The following AGAP1 variants were observed in gnomAD, a reference collection of about 807,000 sequenced individuals.
AGAP1 encodes the protein arf-GAP with GTPase, ANK repeat and PH domain-containing protein 1.
Under a neutral mutation model 105.3 loss-of-function variants are expected in AGAP1, and 29 were observed. That is an observed-to-expected ratio of 0.28 (90% CI 0.21 to 0.38). The LOEUF (loss-of-function observed/expected upper bound fraction) is 0.38, where lower values mean the gene tolerates loss of function less well. Among genes scored for constraint, AGAP1 ranks in the 10% least tolerant of loss-of-function variants. AGAP1 has a pLI of 1.00. For missense variants in AGAP1, 998 were observed against 1,165.1 expected, an observed-to-expected ratio of 0.86 and a Z score of 2.09; for synonymous variants, 509 against 485.9, an observed-to-expected ratio of 1.05 and a Z score of -0.63.
intron 16 of AGAP1, among the ~76,000 whole-genome samples, chr2:236,107,253 C>T (rs544255511): frequency 6.6e-6 from 1 of 152,302 alleles, no homozygotes; most frequent in Non-Finnish European, 1.5e-5. Context: ...CATGTCCTTG[C>T]CCAGAGAGGC....
intron 1 of AGAP1, chr2:235,670,377 G>A (rs1411249422): frequency 1.3e-5 from 7 of 548,942 alleles, no homozygotes; most frequent in South Asian, 4.1e-5. Context: ...TGGGATTTCC[G>A]CACCTTCCGC....
At chr2:235,920,627 A>G (rs2052137505) in intron 11 of AGAP1, among the ~76,000 whole-genome samples, 1 of 152,210 alleles carries the variant, frequency 6.6e-6, no homozygotes, top group Non-Finnish European at 1.5e-5. Flanking sequence ...GAGGGAATGA[A>G]TGAGCTCAAG....
rs1400303743 is a variant in AGAP1, at chr2:236,014,920, C to T, written c.1646-21641C>T. On this transcript the variant is annotated intron_variant, in intron 13 of 17. Transcript: ENST00000304032. The surrounding 1 kb of genome is among the most constrained non-coding windows in gnomAD (Gnocchi z 6.3). The stretch of plus-strand genomic sequence containing the variant: ...CTCCACCCGCCCACACCTCCACCTG[C>T]CTCTTCCCCTCTCATCCCCTGCCCG... 6 of 362,984 alleles carry T rather than the reference C, an allele frequency of 1.7e-5. No individual in the cohort carries two copies. In the Admixed American group the frequency reaches 2.0e-4, roughly 12 times the overall value. The allele number at this position is 362,984 out of a possible 1,614,324, so 22.5% of individuals were successfully genotyped here.
rs2059434407 is a variant in AGAP1, at chr2:236,104,433, C to CCTGCCCCTCGACCAGCACCTGTGCTGT, written c.2115-15749_2115-15723dup. Among the ~76,000 whole-genome samples, 1 of 152,256 alleles carries CCTGCCCCTCGACCAGCACCTGTGCTGT rather than the reference C, an allele frequency of 6.6e-6. No homozygotes were observed. The highest frequency in any genetic ancestry group is 1.5e-5 in the Non-Finnish European group (1 of 68,050). On this transcript the variant is annotated intron_variant, in intron 16 of 17. Transcript: ENST00000304032. The surrounding 1 kb of genome is among the most constrained non-coding windows in gnomAD (Gnocchi z 4.7). ...AAATGACTCCCCAACAGGGGTGGATCCTGCCCCTCGACCAGCACCTGTGCT... is the reference window on the plus strand; with the variant it reads ...AAATGACTCCCCAACAGGGGTGGATCCTGCCCCTCGACCAGCACCTGTGCTGTCTGCCCCTCGACCAGCACCTGTGCT...
intron 1 of AGAP1, among the ~76,000 whole-genome samples, chr2:235,519,956 TG>T (rs1028394263): frequency 6.6e-6 from 1 of 152,108 alleles, no homozygotes; most frequent in African/African-American, 2.4e-5. Flanking sequence ...CTAATTTTTT[TG>T]TATTTTTAAT....
chr2:236,061,974 G>A lies in AGAP1; in HGVS notation c.2114+12693G>A, dbSNP rs541443176. On this transcript the variant is annotated intron_variant, in intron 16 of 17. Transcript: ENST00000304032. This position sits in a 1 kb window ranked among gnomAD's most constrained non-coding sequence, Gnocchi z 4.1. ...AGCAAAGGTGCAGGCGTACAGGAAC[G>A]CATGCTGGGTGGCGGGGGCCTGGGT... 1.3e-5 allele frequency among the ~76,000 whole-genome samples: 2 copies of A among 152,282 alleles called. No individual in the cohort carries two copies. The highest frequency in any genetic ancestry group is 2.1e-4 in the South Asian group (1 of 4,820).
rs1172737406 is a variant in AGAP1, at chr2:235,572,976, TTTCTTCTTCTTCTTCTTCTTCTTCTTC to T, written c.163+78187_163+78213del. ...CAGACTCCCCGATTGCTCCATCTTT[TTTCTTCTTCTTCTTCTTCTTCTTCTTC>T]TTCTTCTTCTTCTTCTTCTTCTTCT... On this transcript the variant is annotated intron_variant, in intron 1 of 17. Transcript: ENST00000304032. Among the ~76,000 whole-genome samples, 98 of 104,052 alleles carry T rather than the reference TTTCTTCTTCTTCTTCTTCTTCTTCTTC, an allele frequency of 9.4e-4. 13 individuals carry two copies. Among genetic ancestry groups the T allele is most frequent in the Admixed American group, 1.7e-3 (18 of 10,654 alleles). The allele number at this position is 104,052 out of a possible 152,430, so 68.3% of individuals were successfully genotyped here.
intron 1 of AGAP1, among the ~76,000 whole-genome samples, chr2:235,619,805 C>G (rs1434079335): frequency 1.3e-5 from 2 of 152,214 alleles, no homozygotes; most frequent in Non-Finnish European, 1.5e-5. Flanking sequence ...TGTCTACCTC[C>G]TCTGATAGCA....
In AGAP1 at chr2:235,970,865, T is replaced by C. The variant is rs6431416; in HGVS notation, c.1645+2242T>C. Among the ~76,000 whole-genome samples, 152,072 of 152,278 alleles carry C rather than the reference T, an allele frequency of 1. 75,933 individuals carry two copies. Among genetic ancestry groups the C allele is most frequent in the Middle Eastern group, 1 (294 of 294 alleles). ...TGCTGAGTGAGTGGGATGGTATGTGTGTGCGAGGCAATAGTGGATACCCAG... is the reference window on the plus strand; with the variant it reads ...TGCTGAGTGAGTGGGATGGTATGTGCGTGCGAGGCAATAGTGGATACCCAG... On this transcript the variant is annotated intron_variant, in intron 13 of 17. Coordinates refer to ENST00000304032, the MANE Select transcript of AGAP1 (RefSeq NM_001037131.3). The surrounding 1 kb of genome is among the most constrained non-coding windows in gnomAD (Gnocchi z 5.4).
chr2:235,863,544 T>C (rs558841427), intron 9 of AGAP1, among the ~76,000 whole-genome samples: 16 of 152,212 alleles, frequency 1.1e-4, no homozygotes, highest in Admixed American at 4.6e-4. Flanking sequence ...ATGGTACAGG[T>C]ACAGCCTCCT....
In AGAP1 at chr2:235,835,889, AT is replaced by A. The variant is rs770867354; in HGVS notation, c.1050+28560del. Reference sequence around the variant, plus strand: ...AGAGGCTCCGGCTGTCACCGTGATTATTAATACATTGTAATGACATTTTGGG... The same window carrying A: ...AGAGGCTCCGGCTGTCACCGTGATTATAATACATTGTAATGACATTTTGGG... On this transcript the variant is annotated intron_variant, in intron 9 of 17. Coordinates refer to ENST00000304032, the MANE Select transcript of AGAP1 (RefSeq NM_001037131.3). 3.9e-5 allele frequency among the ~76,000 whole-genome samples: 6 copies of A among 152,394 alleles called. No homozygotes were observed. In the East Asian group the frequency reaches 1.2e-3, roughly 29 times the overall value.
chr2:236,008,649 G>C (rs2056405183), intron 13 of AGAP1, among the ~76,000 whole-genome samples: 1 of 152,186 alleles, frequency 6.6e-6, no homozygotes, highest in Non-Finnish European at 1.5e-5. Flanking sequence ...TGGTTTTATT[G>C]CATATCCTGG....
rs1404748956 is a variant in AGAP1 at position 235,609,812 on chromosome 2, T to A, written c.164-99367T>A. ...AAAGTGTAGTGGGAGGCTGTGGGCATATTTGGCGCTTGGCAGGATTGAAGG... is the reference window on the plus strand; with the variant it reads ...AAAGTGTAGTGGGAGGCTGTGGGCAAATTTGGCGCTTGGCAGGATTGAAGG... On this transcript the variant is annotated intron_variant, in intron 1 of 17. Transcript: ENST00000304032. The surrounding 1 kb of genome is among the most constrained non-coding windows in gnomAD (Gnocchi z 5.1). Among the ~76,000 whole-genome samples the A allele has an allele frequency of 1.3e-5, 2 of 152,184 alleles. No individual in the cohort carries two copies. The highest frequency in any genetic ancestry group is 2.4e-5 in the African/African-American group (1 of 41,540).
intron 6 of AGAP1, among the ~76,000 whole-genome samples, chr2:235,795,662 A>T (rs2150032623): frequency 6.6e-6 from 1 of 151,946 alleles, no homozygotes; most frequent in African/African-American, 2.4e-5. Context: ...TAGGACAAAT[A>T]TGAAAAAAAA....
intron 1 of AGAP1, among the ~76,000 whole-genome samples, chr2:235,643,525 C>G (rs1947273670): frequency 6.7e-6 from 1 of 148,782 alleles, no homozygotes; most frequent in Admixed American, 6.7e-5. Context: ...TGTCAAGGAG[C>G]AATGATCATC....
chr2:235,781,335 C>T (rs955796518), intron 6 of AGAP1, among the ~76,000 whole-genome samples: 1 of 152,186 alleles, frequency 6.6e-6, no homozygotes, highest in Non-Finnish European at 1.5e-5. Context: ...CCCTTGGATT[C>T]ATTCCCTGGA....
In AGAP1 at chr2:235,744,779, A is replaced by T; in HGVS notation, c.478A>T (p.Ser160Cys). Residue 160 changes from serine (S) to cysteine (C), a missense_variant, in exon 5 of 18, where the codon AGT becomes TGT. Physicochemically the swap from Ser to Cys is moderately radical, Grantham distance 112 (BLOSUM62 -1). This residue lies in a region of AGAP1 where 735 missense variants were observed against 833.4 expected (regional missense o/e 0.88). Coordinates refer to ENST00000304032, the MANE Select transcript of AGAP1 (RefSeq NM_001037131.3). This position sits in a 1 kb window ranked among gnomAD's most constrained non-coding sequence, Gnocchi z 5.2. The part of the protein sequence containing the change: ...ISFQTVYHYY[S>C]RMANYRNTSE... ...TTTCCAGACCGTTTACCACTACTACAGTCGAATGGCCAACTATCGGAACAC... is the reference window on the plus strand; with the variant it reads ...TTTCCAGACCGTTTACCACTACTACTGTCGAATGGCCAACTATCGGAACAC... The T allele has an allele frequency of 6.2e-7, 1 of 1,613,936 alleles. No individual in the cohort carries two copies. The highest frequency in any genetic ancestry group is 8.5e-7 in the Non-Finnish European group (1 of 1,180,004).
intron 1 of AGAP1, among the ~76,000 whole-genome samples, chr2:235,579,591 C>T: frequency 6.6e-6 from 1 of 151,972 alleles, no homozygotes; most frequent in East Asian, 1.9e-4. Context: ...CTGGCTAACA[C>T]AGTGAAACCC....
At chr2:235,602,858 C>A (rs569503319) in intron 1 of AGAP1, among the ~76,000 whole-genome samples, 2 of 152,130 alleles carry the variant, frequency 1.3e-5, no homozygotes, top group African/African-American at 2.4e-5. Context: ...CTTGCCACCA[C>A]GCCTGGCTAA....
Sources: gnomAD v4.1 joint callset for allele counts (sites outside exome capture counted in the v4.1 genomes callset) on GRCh38, gnomAD v4.1.1 for gene constraint, gnomAD v4.1.1 regional missense constraint, Gnocchi (gnomAD v3.1) non-coding constraint, MANE v1.5 for transcripts, NCBI Gene and HGNC (gene_info 2026-07-23, HGNC 2026-07-21) for gene names.